RBFOX3: variants seen among roughly 807,000 people sequenced by gnomAD.
RBFOX3 encodes RNA binding fox-1 homolog 3.
A neutral mutation model predicts 48.7 loss-of-function variants in RBFOX3; 17 were observed. The ratio of observed to expected loss-of-function variants is 0.35; its 90% CI spans 0.24 to 0.52. The LOEUF (loss-of-function observed/expected upper bound fraction) is 0.52. RBFOX3 is among the 20% of genes least tolerant of loss of function. RBFOX3 has a pLI of 0.94. For synonymous variants in RBFOX3, 212 were observed against 209.5 expected, an observed-to-expected ratio of 1.01 and a Z score of -0.10; for missense variants, 382 against 497.5, an observed-to-expected ratio of 0.77 and a Z score of 2.21.
chr17:79,121,299 T>G (rs115911802), intron 4 of RBFOX3, among the ~76,000 whole-genome samples: 1 of 152,188 alleles, frequency 6.6e-6, no homozygotes, highest in Non-Finnish European at 1.5e-5. Flanking sequence ...CAGCCATCAA[T>G]GTTTTCCTCC....
At chr17:79,598,022 C>T (rs1599256332) in intron 1 of RBFOX3, 1 of 144,910 alleles carries the variant, frequency 6.9e-6, no homozygotes, top group Admixed American at 7.0e-5. Context: ...CAGAGAGGAG[C>T]CTGATCAGAA....
intron 12 of RBFOX3, among the ~76,000 whole-genome samples, 200 bp downstream of exon 12, chr17:79,096,453 T>C (rs576076857): frequency 4.6e-5 from 7 of 151,688 alleles, no homozygotes; most frequent in Middle Eastern, 3.4e-3. Context: ...CCTTGATGGG[T>C]ACCAACAACC....
chr17:79,216,268 G>A (rs897167279), intron 4 of RBFOX3, among the ~76,000 whole-genome samples: 3 of 152,254 alleles, frequency 2.0e-5, no homozygotes, highest in Non-Finnish European at 4.4e-5. Context: ...GAGGCTCTGA[G>A]AGCCACTGTG....
At chr17:79,161,020 C>G (rs532673435) in intron 4 of RBFOX3, among the ~76,000 whole-genome samples, 4 of 151,154 alleles carry the variant, frequency 2.6e-5, no homozygotes, top group Non-Finnish European at 5.9e-5. Context: ...GTGGGCTGGG[C>G]ACAGTGCTAA....
chr17:79,115,517 T>C lies in RBFOX3; in HGVS notation c.199A>G (p.Ile67Val), dbSNP rs2033668435. The C allele has an allele frequency of 2.2e-6, 3 of 1,336,000 alleles. No homozygotes were observed. In the South Asian group the frequency reaches 6.4e-5, roughly 29 times the overall value. The allele number at this position is 1,336,000 out of a possible 1,614,324, so 82.8% of individuals were successfully genotyped here. A position where few individuals can be genotyped will look rare whatever the true frequency, so the allele number is the denominator to read the frequency against. The change falls in exon 5 of 15, where the codon ATC (isoleucine) becomes GTC (valine). Residue 67 changes from isoleucine to valine, a missense_variant. Physicochemically the swap from Ile to Val is conservative, Grantham distance 29. Around this residue, in one of 3 missense-constraint regions of RBFOX3, gnomAD observed 118 missense variants for 132.1 expected, o/e 0.89. Transcript: ENST00000693108. The stretch of plus-strand genomic sequence containing the variant: ...ACCGGCACTGTCTGGGTCCCGGCGA[T>C]GGGCTGTGTGCTGGCCTCGGAGCCT... ...QPGSEASTQP[I>V]AGTQTVPQTD... is the part of the protein sequence containing the mutation.
chr17:79,227,539 C>T (rs1035559141), intron 4 of RBFOX3, among the ~76,000 whole-genome samples: 3 of 152,244 alleles, frequency 2.0e-5, no homozygotes, highest in African/African-American at 7.2e-5. Context: ...CAGTGGGGGA[C>T]TCTGCCATAG....
Position 79,471,090 on chromosome 17 carries a change from C to G in RBFOX3, c.-175+11364G>C, listed in dbSNP as rs2077004023. On this transcript the variant is annotated intron_variant, in intron 2 of 14. Coordinates refer to ENST00000693108, the MANE Select transcript of RBFOX3 (RefSeq NM_001350451.2). The surrounding 1 kb of genome is among the most constrained non-coding windows in gnomAD (Gnocchi z 4.0). ...AAAACAGAATTAACTGCTTCATAGA[C>G]AGTCAAAATAAGCTTTCTGCTGGCC... Among the ~76,000 whole-genome samples, 1 of 152,184 alleles carries G rather than the reference C, an allele frequency of 6.6e-6. No homozygotes were observed. The highest frequency in any genetic ancestry group is 6.5e-5 in the Admixed American group (1 of 15,280).
chr17:79,396,246 G>A (rs1208222754), intron 2 of RBFOX3, among the ~76,000 whole-genome samples: 1 of 152,208 alleles, frequency 6.6e-6, no homozygotes, highest in East Asian at 1.9e-4. Context: ...TTTGGACTGG[G>A]CAGAGCCGGG....
chr17:79,315,301 C>T (rs917691301), intron 2 of RBFOX3, among the ~76,000 whole-genome samples: 10 of 152,196 alleles, frequency 6.6e-5, no homozygotes, highest in Admixed American at 2.6e-4. Context: ...AGGTAGGCTC[C>T]CCTGCATCCT....
intron 14 of RBFOX3, chr17:79,092,691 A>C: frequency 2.3e-6 from 2 of 880,452 alleles, no homozygotes; most frequent in Non-Finnish European, 2.7e-6. Flanking sequence ...CTTTTGGAAG[A>C]GGGGAAAAAG....
chr17:79,339,324 G>A (rs2081681007), intron 2 of RBFOX3, among the ~76,000 whole-genome samples: 1 of 152,144 alleles, frequency 6.6e-6, no homozygotes, highest in Non-Finnish European at 1.5e-5. Flanking sequence ...CCAAAGCGCT[G>A]GGGTTACAGG....
chr17:79,146,460 C>T (rs907502652), intron 4 of RBFOX3, among the ~76,000 whole-genome samples: 2 of 152,232 alleles, frequency 1.3e-5, no homozygotes, highest in African/African-American at 4.8e-5. Context: ...TGGACTTGAA[C>T]TCAAGACCTG....
intron 1 of RBFOX3, among the ~76,000 whole-genome samples, chr17:79,542,723 C>A (rs1315115712): frequency 6.6e-6 from 1 of 152,192 alleles, no homozygotes; most frequent in South Asian, 2.1e-4. Flanking sequence ...GCGGAGGCTG[C>A]AGTGAGATGA....
rs1555722216 is a variant in RBFOX3 at position 79,421,330 on chromosome 17, A to T, written c.-175+61124T>A. ...AACCGGGCCTGAGAGTGGTTCTGGAAGCCTCTACGCTTGAGGCTGGTGTCA... is the reference window on the plus strand; with the variant it reads ...AACCGGGCCTGAGAGTGGTTCTGGATGCCTCTACGCTTGAGGCTGGTGTCA... On this transcript the variant is annotated intron_variant, in intron 2 of 14. Coordinates refer to ENST00000693108, the MANE Select transcript of RBFOX3 (RefSeq NM_001350451.2). This position sits in a 1 kb window ranked among gnomAD's most constrained non-coding sequence, Gnocchi z 4.5. Among the ~76,000 whole-genome samples the T allele has an allele frequency of 6.6e-6, 1 of 152,192 alleles. No homozygotes were observed. The highest frequency in any genetic ancestry group is 2.4e-5 in the African/African-American group (1 of 41,446).
chr17:79,494,639 C>T (rs928194165), intron 1 of RBFOX3, among the ~76,000 whole-genome samples: 48 of 152,172 alleles, frequency 3.2e-4, no homozygotes, highest in Non-Finnish European at 6.0e-4. Context: ...CTTGAAGGAG[C>T]GGGAGGCGTG....
intron 4 of RBFOX3, among the ~76,000 whole-genome samples, chr17:79,128,746 C>T (rs904826114): frequency 2.6e-5 from 4 of 152,188 alleles, no homozygotes; most frequent in Non-Finnish European, 4.4e-5. Context: ...TGTGCCAGGA[C>T]GGGCAGCTCA....
chr17:79,150,029 G>GGGGGGTGGGGGTGGGGGTTGAGGGT, intron 4 of RBFOX3, among the ~76,000 whole-genome samples: 1 of 96,186 alleles, frequency 1.0e-5, no homozygotes, highest in Admixed American at 1.0e-4. Flanking sequence ...GGTTGAGGGT[G>GGGGGGTGGGGGTGGGGGTTGAGGGT]GGGGGTGGGG....
chr17:79,520,861 C>T (rs973468745), intron 1 of RBFOX3, among the ~76,000 whole-genome samples: 9,443 of 152,318 alleles, frequency 0.062, 616 homozygotes, highest in African/African-American at 0.17. Context: ...GAAGTCGCCC[C>T]ATGCTGCAAG....
intron 2 of RBFOX3, among the ~76,000 whole-genome samples, chr17:79,369,073 C>G (rs1246401969): frequency 6.6e-6 from 1 of 152,158 alleles, no homozygotes; most frequent in Non-Finnish European, 1.5e-5. Context: ...GCTCTGCCAC[C>G]CCTGGACAGC....
Sources: gnomAD v4.1 joint callset for allele counts (sites outside exome capture counted in the v4.1 genomes callset) on GRCh38, gnomAD v4.1.1 for gene constraint, gnomAD v4.1.1 regional missense constraint, Gnocchi (gnomAD v3.1) non-coding constraint, MANE v1.5 for transcripts, NCBI Gene and HGNC (gene_info 2026-07-23, HGNC 2026-07-21) for gene names.